BRCA1: variants seen among roughly 807,000 people sequenced by gnomAD.
BRCA1 encodes the protein BRCA1 DNA repair associated, also known as breast cancer type 1 susceptibility protein.
In BRCA1, 140 loss-of-function variants were observed where a neutral mutation model predicts 173.7. The observed-to-expected ratio is 0.81, with a 90% CI of 0.70 to 0.93. BRCA1 has a LOEUF of 0.93. Among genes scored for constraint, BRCA1 ranks in the 40% least tolerant of loss-of-function variants. The probability of loss-of-function intolerance (pLI) is 0.00; values close to 1 mark genes in which losing one functional copy is unlikely to be tolerated. For missense variants in BRCA1, 1,983 were observed against 2,172.5 expected (o/e 0.91, Z 1.73); for synonymous variants, 662 against 756.0 (o/e 0.88, Z 2.04).
chr17:43,091,130 T>A (rs2154261138), intron 10 of BRCA1, 98 bp from the exon 11 acceptor site: 1 of 1,160,290 alleles, frequency 8.6e-7, no homozygotes, highest in Non-Finnish European at 1.3e-6. Context: ...TGGATTTACT[T>A]TCATGTCACA....
chr17:43,084,550 C>G (rs1055186651), intron 11 of BRCA1, among the ~76,000 whole-genome samples: 6 of 152,214 alleles, frequency 3.9e-5, no homozygotes, highest in Admixed American at 3.9e-4. Context: ...GGCAGGAACA[C>G]ATTGTTTCAC....
At chr17:43,120,727 T>G (rs1207676170) in intron 2 of BRCA1, among the ~76,000 whole-genome samples, 1 of 151,794 alleles carries the variant, frequency 6.6e-6, no homozygotes, top group Non-Finnish European at 1.5e-5. Context: ...ATGGCGCCAC[T>G]GCACTCCGGC....
At chr17:43,135,262 G>C (rs1395037459) in intron 1 of BRCA1, among the ~76,000 whole-genome samples, 1 of 152,154 alleles carries the variant, frequency 6.6e-6, no homozygotes, top group African/African-American at 2.4e-5. Context: ...CCCCCTGGCC[G>C]ATCCGCAGGC....
intron 10 of BRCA1, 107 bp downstream of exon 10, chr17:43,091,328 C>G (rs2053462603): frequency 2.1e-6 from 3 of 1,417,742 alleles, no homozygotes. Context: ...AGAAGCAGTT[C>G]CTTTAACTAT....
intron 1 of BRCA1, among the ~76,000 whole-genome samples, chr17:43,155,315 A>G (rs2056190041): frequency 6.6e-6 from 1 of 151,644 alleles, no homozygotes; most frequent in African/African-American, 2.4e-5. Context: ...GACTAAAGGC[A>G]TGCACCACCA....
At chr17:43,083,403 G>A (rs1219409519) in intron 11 of BRCA1, among the ~76,000 whole-genome samples, 5 of 152,204 alleles carry the variant, frequency 3.3e-5, no homozygotes, top group African/African-American at 4.8e-5. Flanking sequence ...TGATCAGCCC[G>A]CCTCGGCCTC....
At chr17:43,090,278 C>T (rs2053398126) in intron 11 of BRCA1, among the ~76,000 whole-genome samples, 1 of 152,140 alleles carries the variant, frequency 6.6e-6, no homozygotes, top group African/African-American at 2.4e-5. Flanking sequence ...TGGAGCTATG[C>T]AGAGTCCCTT....
intron 21 of BRCA1, among the ~76,000 whole-genome samples, chr17:43,048,633 A>C (rs1481506072): frequency 6.7e-6 from 1 of 149,238 alleles, no homozygotes; most frequent in African/African-American, 2.5e-5. Flanking sequence ...TCACACCTCA[A>C]CTTCCCAAAT....
chr17:43,147,351 G>A (rs1033895127), intron 1 of BRCA1, among the ~76,000 whole-genome samples: 7 of 152,136 alleles, frequency 4.6e-5, no homozygotes, highest in African/African-American at 1.2e-4. Flanking sequence ...CACCACGCCC[G>A]GCTAATTTTT....
intron 1 of BRCA1, chr17:43,160,491 T>C (rs1320744308): frequency 6.6e-6 from 1 of 151,980 alleles, no homozygotes; most frequent in East Asian, 1.9e-4. Context: ...AGTAATTAGA[T>C]TGGAACAAAA....
intron 1 of BRCA1, among the ~76,000 whole-genome samples, chr17:43,141,520 TA>T (rs1181576713): frequency 2.0e-5 from 3 of 150,718 alleles, no homozygotes; most frequent in Admixed American, 2.0e-4. Context: ...TTTTGTTATA[TA>T]AAAAAAAATT....
chr17:43,049,812 G>T (rs2051131469), intron 20 of BRCA1, among the ~76,000 whole-genome samples: 1 of 152,190 alleles, frequency 6.6e-6, no homozygotes, highest in South Asian at 2.1e-4. Context: ...AATGGGCTCT[G>T]TTGGCTGTGT....
intron 6 of BRCA1, among the ~76,000 whole-genome samples, chr17:43,102,590 C>T (rs1425007753): frequency 6.0e-5 from 9 of 151,246 alleles, no homozygotes; most frequent in Admixed American, 5.3e-4. Flanking sequence ...CTCCTGACCT[C>T]ATGATCCACT....
chr17:43,105,041 A>T, intron 4 of BRCA1, 85 bp from the exon 5 acceptor site: 2 of 1,104,350 alleles, frequency 1.8e-6, no homozygotes, highest in Non-Finnish European at 2.7e-6. Context: ...ACATGTAAAC[A>T]AATAAAAATA....
intron 6 of BRCA1, among the ~76,000 whole-genome samples, chr17:43,100,315 T>C (rs781576075): frequency 4.6e-5 from 7 of 151,614 alleles, no homozygotes; most frequent in Non-Finnish European, 1.0e-4. Flanking sequence ...ATACTTGATA[T>C]ACATTCCAAT....
intron 12 of BRCA1, among the ~76,000 whole-genome samples, chr17:43,080,805 A>G (rs534865456): frequency 4.6e-5 from 7 of 152,162 alleles, no homozygotes; most frequent in Admixed American, 2.6e-4. Flanking sequence ...GACCCTCTCT[A>G]TAAGGTGAGG....
At chr17:43,149,325 G>A (rs780177481) in intron 1 of BRCA1, among the ~76,000 whole-genome samples, 1 of 150,644 alleles carries the variant, frequency 6.6e-6, no homozygotes, top group Non-Finnish European at 1.5e-5. Context: ...CCATGTTAGC[G>A]GGTGGACCTT....
chr17:43,138,308 C>T, intron 1 of BRCA1: 1 of 360,774 alleles, frequency 2.8e-6, no homozygotes, highest in Non-Finnish European at 5.1e-6. Context: ...ACTATATGGC[C>T]TGCGGACCGC....
intron 11 of BRCA1, among the ~76,000 whole-genome samples, chr17:43,090,601 C>T (rs2053413559): frequency 6.6e-6 from 1 of 152,210 alleles, no homozygotes; most frequent in Non-Finnish European, 1.5e-5. Flanking sequence ...TCTCAAACTT[C>T]TGACCTGAGG....
Sources: allele counts gnomAD v4.1 joint callset (sites outside exome capture counted in the v4.1 genomes callset), GRCh38; gene constraint gnomAD v4.1.1; transcripts MANE v1.5; gene names NCBI Gene and HGNC (gene_info 2026-07-23, HGNC 2026-07-21).